The following PRICKLE2 variants were observed in gnomAD, a reference collection of about 807,000 sequenced individuals.
PRICKLE2 encodes prickle-like protein 2.
In PRICKLE2, 21 loss-of-function variants were observed where a neutral mutation model predicts 81.4. The observed-to-expected ratio is 0.26, with a 90% confidence interval of 0.18 to 0.37. PRICKLE2 has a LOEUF of 0.37. Ranked by LOEUF, PRICKLE2 falls within the 10% of genes least tolerant of loss-of-function variation. PRICKLE2 has a pLI of 1.00. For synonymous variants in PRICKLE2, 456 were observed against 421.5 expected (o/e 1.08, Z -1.00); for missense variants, 940 against 1,109.0 (o/e 0.85, Z 2.16).
chr3:64,265,813 C>G (rs2079697128), intron 2 of PRICKLE2, among the ~76,000 whole-genome samples: 1 of 152,180 alleles, frequency 6.6e-6, no homozygotes, highest in Non-Finnish European at 1.5e-5. Context: ...GATAACAATT[C>G]TGGCTTAAAA....
chr3:64,138,795 C>T (rs529565137), intron 7 of PRICKLE2, among the ~76,000 whole-genome samples: 2 of 152,250 alleles, frequency 1.3e-5, no homozygotes, highest in East Asian at 3.9e-4. Flanking sequence ...CACATCTTCC[C>T]CAGTGACGGG....
At chr3:64,146,481 C>T (rs190581987) in intron 7 of PRICKLE2, 7 of 269,280 alleles carry the variant, frequency 2.6e-5, no homozygotes, top group East Asian at 1.7e-4. Flanking sequence ...CGGTGGCTCA[C>T]GCCTGTAATC....
At chr3:64,202,391 C>G (rs1488438020) in intron 1 of PRICKLE2, among the ~76,000 whole-genome samples, 2 of 152,180 alleles carry the variant, frequency 1.3e-5, no homozygotes, top group Admixed American at 1.3e-4. Flanking sequence ...TCCATGAACA[C>G]AGGCTACCTT....
chr3:64,260,276 G>T (rs2079597684), intron 2 of PRICKLE2, among the ~76,000 whole-genome samples: 1 of 152,132 alleles, frequency 6.6e-6, no homozygotes. Flanking sequence ...GGGAACAAAG[G>T]CCTGAAAAGC....
chr3:64,238,985 T>C lies in PRICKLE2; in HGVS notation c.129-40018A>G, dbSNP rs1364252185. Among the ~76,000 whole-genome samples, 3 of 151,732 alleles carry C rather than the reference T, an allele frequency of 2.0e-5. No homozygotes were observed. The South Asian group carries it at 6.3e-4, about 32-fold the overall frequency. ...CAGCCAGGGCAGTTTTCAGGCTGCC[T>C]GTTTATTCTTCTAGCTCCCTGAGAT... On this transcript the variant is annotated intron_variant, in intron 2 of 8. Coordinates refer to the PRICKLE2 transcript ENST00000295902.
In PRICKLE2 at chr3:64,099,806, T is replaced by C; in HGVS notation, c.1780A>G (p.Asn594Asp). ...SEKLSNMGTLNSSMQFRSAES... is the reference protein window; with the variant it reads ...SEKLSNMGTLDSSMQFRSAES... ...GCGCTCCGGAACTGCATGGACGAGT[T>C]AAGAGTGCCCATGTTGCTCAGCTTC... is the stretch of plus-strand genomic sequence containing the variant. The change falls in exon 8 of 8, where the codon AAC (asparagine) becomes GAC (aspartate). Residue 594 changes from asparagine (N) to aspartate (D), a missense_variant. Asn to Asp is a conservative substitution (Grantham distance 23, BLOSUM62 1). Coordinates refer to ENST00000638394, the MANE Select transcript of PRICKLE2 (RefSeq NM_198859.4). The surrounding 1 kb of genome is among the most constrained non-coding windows in gnomAD (Gnocchi z 4.3). 1 of 1,614,142 alleles carries C rather than the reference T, an allele frequency of 6.2e-7. No individual in the cohort carries two copies. Among genetic ancestry groups the C allele is most frequent in the African/African-American group, 1.3e-5 (1 of 75,034 alleles).
At chr3:64,108,803 A>G (rs889246487) in intron 7 of PRICKLE2, among the ~76,000 whole-genome samples, 5 of 151,904 alleles carry the variant, frequency 3.3e-5, no homozygotes, top group African/African-American at 1.2e-4. Flanking sequence ...ACTCTCAGAG[A>G]CTCTAATTCA....
At chr3:64,226,917 C>A (rs1280468586), upstream of PRICKLE2, among the ~76,000 whole-genome samples, 2 of 152,158 alleles carry the variant, frequency 1.3e-5, no homozygotes, top group African/African-American at 2.4e-5. Context: ...CCATCATGCA[C>A]AGAAGTGTCC....
intron 2 of PRICKLE2, among the ~76,000 whole-genome samples, chr3:64,198,480 C>G (rs558958338): frequency 1.3e-5 from 2 of 151,898 alleles, no homozygotes; most frequent in Non-Finnish European, 2.9e-5. Context: ...ATTTGAAGTA[C>G]CAAGAAATAC....
intron 7 of PRICKLE2, among the ~76,000 whole-genome samples, chr3:64,143,946 C>A (rs988042670): frequency 4.4e-5 from 6 of 135,086 alleles, no homozygotes; most frequent in Non-Finnish European, 8.1e-5. Context: ...GTCACCAAGG[C>A]CTCATTTTTT....
At chr3:64,208,498 T>C (rs994357211) in intron 1 of PRICKLE2, among the ~76,000 whole-genome samples, 2 of 152,104 alleles carry the variant, frequency 1.3e-5, no homozygotes, top group African/African-American at 4.8e-5. Flanking sequence ...AATGGGAATG[T>C]TCCAAGAGGT....
At chr3:64,142,659 G>A (rs1174414314) in intron 7 of PRICKLE2, among the ~76,000 whole-genome samples, 1 of 152,170 alleles carries the variant, frequency 6.6e-6, no homozygotes, top group African/African-American at 2.4e-5. Flanking sequence ...ACAGCTGGTG[G>A]ATGGTGGGAG....
At chr3:64,151,206 A>G (rs2107023050) in intron 6 of PRICKLE2, among the ~76,000 whole-genome samples, 1 of 152,364 alleles carries the variant, frequency 6.6e-6, no homozygotes, top group African/African-American at 2.4e-5. Context: ...TGCATGCTAT[A>G]TAGAGTGTGC....
Position 64,096,826 on chromosome 3 carries a change from T to C in PRICKLE2, c.*2225A>G, listed in dbSNP as rs573646889. 6.5e-6 allele frequency: 1 copy of C among 152,774 alleles called. No homozygotes were observed. Among genetic ancestry groups the C allele is most frequent in the East Asian group, 1.9e-4 (1 of 5,178 alleles). 9.5% of individuals were successfully genotyped at this position (152,774 alleles called of 1,614,324 possible). A position where few individuals can be genotyped will look rare whatever the true frequency, so the allele number is the denominator to read the frequency against. ...CTTTTACTGGGAGAATTTCTTTCAC[T>C]GGATTTGGGGCCACAGAGGACAGAC... On this transcript the variant is annotated 3_prime_UTR_variant, in exon 8 of 8. Coordinates refer to ENST00000638394, the MANE Select transcript of PRICKLE2 (RefSeq NM_198859.4).
chr3:64,157,176 C>T lies in PRICKLE2; in HGVS notation c.586G>A (p.Ala196Thr). ...TTTGCTCTAACCTCATCGCAGGCAG[C>T]ACAGCGCGGCTTCAGGCACTCAGCA... is the stretch of plus-strand genomic sequence containing the variant. ...HHAECLKPRCAACDEIIFADE... is the reference protein window; with the variant it reads ...HHAECLKPRCTACDEIIFADE... Residue 196 changes from alanine (A) to threonine (T), a missense_variant, in exon 5 of 8, where the codon GCT becomes ACT. Around this residue, in one of 2 missense-constraint regions of PRICKLE2, gnomAD observed 270 missense variants for 391.8 expected, o/e 0.69. Coordinates refer to ENST00000638394, the MANE Select transcript of PRICKLE2 (RefSeq NM_198859.4). 1 of 1,614,072 alleles carries T rather than the reference C, an allele frequency of 6.2e-7. No individual in the cohort carries two copies. The highest frequency in any genetic ancestry group is 1.3e-5 in the African/African-American group (1 of 75,062).
At chr3:64,170,792 T>C (rs2077917299) in intron 2 of PRICKLE2, among the ~76,000 whole-genome samples, 1 of 151,514 alleles carries the variant, frequency 6.6e-6, no homozygotes, top group Non-Finnish European at 1.5e-5. Flanking sequence ...GGAGGATCAC[T>C]TGAGTCTGGG....
intron 2 of PRICKLE2, among the ~76,000 whole-genome samples, chr3:64,267,113 G>A (rs1042978673): frequency 5.9e-5 from 9 of 151,932 alleles, no homozygotes; most frequent in Non-Finnish European, 8.8e-5. Context: ...CCCAGGGCAC[G>A]GCTGCCCAGG....
At chr3:64,225,573 T>G (rs2079020080), upstream of PRICKLE2, 1 of 451,342 alleles carries the variant, frequency 2.2e-6, no homozygotes, top group African/African-American at 2.1e-5. Flanking sequence ...ACATGTAAAT[T>G]AGCCTTGCCT....
chr3:64,144,409 C>T (rs1033904956), intron 7 of PRICKLE2, among the ~76,000 whole-genome samples: 3 of 152,214 alleles, frequency 2.0e-5, no homozygotes, highest in African/African-American at 4.8e-5. Context: ...ATATTTATGA[C>T]GTGCTCAGAA....
Sources: gnomAD v4.1 joint callset for allele counts (sites outside exome capture counted in the v4.1 genomes callset) on GRCh38, gnomAD v4.1.1 for gene constraint, gnomAD v4.1.1 regional missense constraint, Gnocchi (gnomAD v3.1) non-coding constraint, MANE v1.5 for transcripts, NCBI Gene and HGNC (gene_info 2026-07-23, HGNC 2026-07-21) for gene names.